CREB5: variants seen among roughly 807,000 people sequenced by gnomAD.
The protein encoded by CREB5 is cyclic AMP-responsive element-binding protein 5.
Under a neutral mutation model 57.1 loss-of-function variants are expected in CREB5, and 19 were observed. The observed-to-expected ratio is 0.33, with a 90% CI of 0.23 to 0.49. The LOEUF is 0.49. Among genes scored for constraint, CREB5 ranks in the 20% least tolerant of loss-of-function variants. The probability of loss-of-function intolerance (pLI) is 0.99; values close to 1 mark genes in which losing one functional copy is unlikely to be tolerated. For missense variants in CREB5, 579 were observed against 671.6 expected, an observed-to-expected ratio of 0.86 and a Z score of 1.52; for synonymous variants, 238 against 238.3, an observed-to-expected ratio of 1.00 and a Z score of 0.01.
intron 5 of CREB5, among the ~76,000 whole-genome samples, chr7:28,571,164 GC>G (rs1281150965): frequency 6.6e-6 from 1 of 152,156 alleles, no homozygotes; most frequent in South Asian, 2.1e-4. Flanking sequence ...GGGGGGCATA[GC>G]TTGGGACAGC....
chr7:28,300,394 C>A (rs570475089), intron 1 of CREB5, among the ~76,000 whole-genome samples: 1 of 152,126 alleles, frequency 6.6e-6, no homozygotes, highest in African/African-American at 2.4e-5. Flanking sequence ...GCAATTTTGT[C>A]CTTTTCTCAA....
At chr7:28,732,814 A>C (rs1562602984) in intron 7 of CREB5, among the ~76,000 whole-genome samples, 2 of 144,594 alleles carry the variant, frequency 1.4e-5, no homozygotes, top group Non-Finnish European at 3.0e-5. Flanking sequence ...TAGACAGAGG[A>C]GGCAAAGTTT....
At chr7:28,376,993 C>G (rs1369514187) in intron 1 of CREB5, among the ~76,000 whole-genome samples, 1 of 152,206 alleles carries the variant, frequency 6.6e-6, no homozygotes, top group African/African-American at 2.4e-5. Context: ...AATTAACTAC[C>G]GGATTATCCA....
intron 7 of CREB5, among the ~76,000 whole-genome samples, chr7:28,788,633 T>G (rs1395961705): frequency 6.6e-6 from 1 of 152,208 alleles, no homozygotes; most frequent in African/African-American, 2.4e-5. Flanking sequence ...ATTGAAAGAA[T>G]AAACAACTTG....
chr7:28,595,122 A>T (rs2128666377), intron 5 of CREB5, among the ~76,000 whole-genome samples: 1 of 152,218 alleles, frequency 6.6e-6, no homozygotes, highest in Non-Finnish European at 1.5e-5. Context: ...CACTTCTTAA[A>T]GCTAGGGTGA....
chr7:28,806,372 G>A (rs1263863721), intron 8 of CREB5, among the ~76,000 whole-genome samples: 1 of 152,096 alleles, frequency 6.6e-6, no homozygotes, highest in Non-Finnish European at 1.5e-5. Flanking sequence ...CTCTTAAATT[G>A]TATTAACTTG....
intron 5 of CREB5, among the ~76,000 whole-genome samples, chr7:28,635,236 C>T (rs1206968072): frequency 6.6e-6 from 1 of 152,150 alleles, no homozygotes; most frequent in Admixed American, 6.5e-5. Context: ...CACAGGGCCA[C>T]TGATATTGCT....
intron 7 of CREB5, among the ~76,000 whole-genome samples, chr7:28,727,532 G>A (rs959984191): frequency 6.6e-6 from 1 of 152,204 alleles, no homozygotes; most frequent in Non-Finnish European, 1.5e-5. Flanking sequence ...AGATGATTCT[G>A]TAGTAATGTG....
At chr7:28,477,092 G>C (rs1400221887) in intron 1 of CREB5, among the ~76,000 whole-genome samples, 1 of 152,204 alleles carries the variant, frequency 6.6e-6, no homozygotes, top group East Asian at 1.9e-4. Context: ...AATGAGACCT[G>C]TGTCCTTGGT....
At chr7:28,723,181 A>G (rs753025799) in intron 6 of CREB5, among the ~76,000 whole-genome samples, 1 of 152,186 alleles carries the variant, frequency 6.6e-6, no homozygotes, top group Non-Finnish European at 1.5e-5. Flanking sequence ...CTTGCATTGA[A>G]GAATCTATTC....
intron 1 of CREB5, among the ~76,000 whole-genome samples, chr7:28,335,877 A>G (rs1785813618): frequency 6.6e-6 from 1 of 151,964 alleles, no homozygotes; most frequent in Admixed American, 6.6e-5. Context: ...TTCCGTCTAT[A>G]CCCAGTTTTT....
chr7:28,423,546 A>T (rs1230837022), intron 1 of CREB5, among the ~76,000 whole-genome samples: 1 of 151,234 alleles, frequency 6.6e-6, no homozygotes, highest in African/African-American at 2.5e-5. Flanking sequence ...TGACTTGGGG[A>T]TTGATTAACT....
At chr7:28,808,991 T>C (rs1332019410) in intron 8 of CREB5, among the ~76,000 whole-genome samples, 196 bp from the exon 9 acceptor site, 2 of 152,184 alleles carry the variant, frequency 1.3e-5, no homozygotes, top group Non-Finnish European at 2.9e-5. Context: ...TCATAGAATA[T>C]AGGTCAGTGA....
chr7:28,519,092 A>G (rs1238458303), intron 4 of CREB5, among the ~76,000 whole-genome samples: 2 of 152,206 alleles, frequency 1.3e-5, no homozygotes, highest in African/African-American at 4.8e-5. Flanking sequence ...AAAAGCGAGC[A>G]GGAAACAGGA....
chr7:28,537,339 C>A (rs1316462459), intron 4 of CREB5, among the ~76,000 whole-genome samples: 1 of 151,726 alleles, frequency 6.6e-6, no homozygotes, highest in African/African-American at 2.4e-5. Context: ...AACTTTACCA[C>A]CAAAACACAA....
At chr7:28,490,671 C>T (rs1212072495) in intron 2 of CREB5, among the ~76,000 whole-genome samples, 4 of 152,234 alleles carry the variant, frequency 2.6e-5, no homozygotes, top group African/African-American at 9.6e-5. Context: ...ACCCTGGCCT[C>T]TACCCACTAG....
At chr7:28,681,438 T>G (rs1219096794) in intron 5 of CREB5, among the ~76,000 whole-genome samples, 1 of 152,134 alleles carries the variant, frequency 6.6e-6, no homozygotes, top group African/African-American at 2.4e-5. Flanking sequence ...GGTGCGATCA[T>G]GCCTCACTGT....
At chr7:28,751,205 T>C (rs1236013426) in intron 7 of CREB5, among the ~76,000 whole-genome samples, 8 of 90,920 alleles carry the variant, frequency 8.8e-5, no homozygotes, top group Non-Finnish European at 1.3e-4. Flanking sequence ...GGGTGGGGGG[T>C]GGGGGGACAC....
chr7:28,592,637 A>G (rs1045516657), intron 5 of CREB5, among the ~76,000 whole-genome samples: 4 of 152,152 alleles, frequency 2.6e-5, no homozygotes, highest in Non-Finnish European at 5.9e-5. Flanking sequence ...GAGTTCAAAC[A>G]TGCATGGATC....
Sources: gnomAD v4.1 joint callset for allele counts (sites outside exome capture counted in the v4.1 genomes callset) on GRCh38, gnomAD v4.1.1 for gene constraint, MANE v1.5 for transcripts, NCBI Gene and HGNC (gene_info 2026-07-23, HGNC 2026-07-21) for gene names.